Variants in AFF3 observed in about 807,000 individuals in gnomAD.
AFF3 encodes the protein ALF transcription elongation factor 3.
Under a neutral mutation model 129.7 loss-of-function variants are expected in AFF3, and 32 were observed. The observed-to-expected ratio is 0.25, with a 90% CI of 0.19 to 0.33. The LOEUF (loss-of-function observed/expected upper bound fraction) is 0.33, where lower values mean the gene tolerates loss of function less well. Ranked by LOEUF, AFF3 falls within the 10% of genes least tolerant of loss-of-function variation. AFF3 has a pLI of 1.00. For missense variants in AFF3, 1,373 were observed against 1,592.0 expected (o/e 0.86, Z 2.34); for synonymous variants, 644 against 635.4 (o/e 1.01, Z -0.20).
intron 14 of AFF3, among the ~76,000 whole-genome samples, chr2:99,596,187 C>A (rs573899187): frequency 2.6e-5 from 4 of 152,296 alleles, no homozygotes; most frequent in African/African-American, 7.2e-5. Flanking sequence ...GGTTTTTGTA[C>A]CTCTGAGTTC....
intron 7 of AFF3, among the ~76,000 whole-genome samples, chr2:99,962,976 C>T (rs1437961131): frequency 6.6e-6 from 1 of 151,198 alleles, no homozygotes; most frequent in Non-Finnish European, 1.5e-5. Context: ...CCAAGCAAAT[C>T]CACAACAACA....
At chr2:99,697,811 C>T (rs1429318096) in intron 11 of AFF3, among the ~76,000 whole-genome samples, 2 of 152,196 alleles carry the variant, frequency 1.3e-5, no homozygotes, top group Admixed American at 1.3e-4. Context: ...GTCTTCTTCA[C>T]AGGCTATTGC....
intron 24 of AFF3, 59 bp downstream of exon 24, chr2:99,554,252 A>G (rs975957096): frequency 6.3e-7 from 1 of 1,578,398 alleles, no homozygotes; most frequent in Non-Finnish European, 8.7e-7. Flanking sequence ...GCCGAGGCAG[A>G]AGAATCGCTT....
chr2:100,120,393 A>G (rs148175503), intron 2 of AFF3, among the ~76,000 whole-genome samples: 45 of 152,204 alleles, frequency 3.0e-4, no homozygotes, highest in African/African-American at 1.1e-3. Flanking sequence ...AAAAATTGGT[A>G]AGTTACTTAG....
At chr2:99,930,321 G>T (rs954379775) in intron 7 of AFF3, among the ~76,000 whole-genome samples, 6 of 152,142 alleles carry the variant, frequency 3.9e-5, no homozygotes, top group African/African-American at 1.4e-4. Context: ...TGAAATGCCT[G>T]CCTCATGGGA....
intron 21 of AFF3, among the ~76,000 whole-genome samples, chr2:99,560,156 G>A (rs1675336825): frequency 6.6e-6 from 1 of 152,226 alleles, no homozygotes; most frequent in Non-Finnish European, 1.5e-5. Context: ...CAGCACTTTG[G>A]TAGGCCTGTC....
In AFF3 at chr2:99,558,948, A is replaced by C; in HGVS notation, c.3212T>G (p.Leu1071Arg). The change falls in exon 22 of 25, where the codon CTG (leucine) becomes CGG (arginine). Residue 1071 changes from leucine to arginine, a missense_variant. Transcript: ENST00000672756. ...TTTGAGTCGAAACATCCGCCAGTAC[A>C]GGAGGGCCAGGCATCGGTAACTGCA... ...AALCYRCLAL[L>R]YWRMFRLKRD... 6.2e-7 allele frequency: 1 copy of C among 1,614,192 alleles called. No homozygotes were observed. Among genetic ancestry groups the C allele is most frequent in the Non-Finnish European group, 8.5e-7 (1 of 1,180,020 alleles).
Position 99,912,303 on chromosome 2 carries a change from GT to G in AFF3, c.874-74780del, listed in dbSNP as rs1162879745. 3.0e-4 allele frequency among the ~76,000 whole-genome samples: 45 copies of G among 152,284 alleles called. 1 individual carries two copies. The highest frequency in any genetic ancestry group is 9.6e-4 in the African/African-American group (40 of 41,568). ...ATCAATTGTTTTACATTTAGCTAAAGTTTTATGCTTGATGACAAACATAGTC... is the reference window on the plus strand; with the variant it reads ...ATCAATTGTTTTACATTTAGCTAAAGTTTATGCTTGATGACAAACATAGTC... On this transcript the variant is annotated intron_variant, in intron 7 of 24. Transcript: ENST00000672756.
intron 8 of AFF3, among the ~76,000 whole-genome samples, chr2:99,802,211 C>A (rs1375652954): frequency 6.6e-6 from 1 of 152,114 alleles, no homozygotes. Flanking sequence ...TTTCACATGA[C>A]ATGTTGAATA....
In AFF3 at chr2:99,948,591, A is replaced by G. The variant is rs984925909; in HGVS notation, c.873+58041T>C. Among the ~76,000 whole-genome samples, 8 of 152,252 alleles carry G rather than the reference A, an allele frequency of 5.3e-5. No individual in the cohort carries two copies. The East Asian group carries it at 9.7e-4, about 18-fold the overall frequency. ...CCTCCATGTAAGGTGCTCTAACTTAAATCAGCTTTTTGCAGATTCTCTGCT... is the reference window on the plus strand; with the variant it reads ...CCTCCATGTAAGGTGCTCTAACTTAGATCAGCTTTTTGCAGATTCTCTGCT... On this transcript the variant is annotated intron_variant, in intron 7 of 24. Transcript: ENST00000672756.
At chr2:99,845,198 T>C (rs1689635392) in intron 7 of AFF3, among the ~76,000 whole-genome samples, 1 of 152,206 alleles carries the variant, frequency 6.6e-6, no homozygotes, top group African/African-American at 2.4e-5. Context: ...CCCACATTGG[T>C]ACCTGTAAAT....
intron 11 of AFF3, among the ~76,000 whole-genome samples, chr2:99,704,458 C>G (rs1558767184): frequency 6.6e-6 from 1 of 152,136 alleles, no homozygotes; most frequent in Non-Finnish European, 1.5e-5. Context: ...CTCCTGGCAC[C>G]CTGATAATGG....
chr2:99,585,712 A>G (rs1429705164), intron 16 of AFF3, among the ~76,000 whole-genome samples: 2 of 152,146 alleles, frequency 1.3e-5, no homozygotes, highest in South Asian at 2.1e-4. Flanking sequence ...GGTATAAATC[A>G]CAGCTATTTT....
intron 11 of AFF3, among the ~76,000 whole-genome samples, chr2:99,719,047 G>A (rs1678644460): frequency 7.6e-6 from 1 of 132,016 alleles, no homozygotes; most frequent in Non-Finnish European, 1.6e-5. Context: ...CAACGCGCCC[G>A]GCCTTTTTTT....
intron 10 of AFF3, among the ~76,000 whole-genome samples, chr2:99,730,772 C>G (rs1217584760): frequency 6.6e-6 from 1 of 151,990 alleles, no homozygotes; most frequent in South Asian, 2.1e-4. Flanking sequence ...CTTAGCCTCC[C>G]AAAGTGCTGA....
intron 17 of AFF3, 124 bp downstream of exon 17, chr2:99,582,674 G>A: frequency 1.0e-6 from 1 of 1,004,426 alleles, no homozygotes; most frequent in Non-Finnish European, 1.5e-6. Flanking sequence ...CTAGAAGCGG[G>A]AGGCATTCAG....
intron 17 of AFF3, among the ~76,000 whole-genome samples, chr2:99,580,600 C>A (rs1559500463): frequency 6.6e-6 from 1 of 152,142 alleles, no homozygotes; most frequent in Non-Finnish European, 1.5e-5. Context: ...AATGTGAAAA[C>A]CTGCTTCGCA....
intron 8 of AFF3, among the ~76,000 whole-genome samples, chr2:99,814,072 T>TTGAAG (rs1458171763): frequency 6.6e-6 from 1 of 152,004 alleles, no homozygotes; most frequent in African/African-American, 2.4e-5. Context: ...CACCTGAGGG[T>TTGAAG]CTACAAGGGT....
At chr2:99,847,214 T>C (rs1689793913) in intron 7 of AFF3, among the ~76,000 whole-genome samples, 1 of 152,066 alleles carries the variant, frequency 6.6e-6, no homozygotes, top group African/African-American at 2.4e-5. Context: ...TTTCGCTCGT[T>C]GGCCAGGCTG....
Sources: allele counts gnomAD v4.1 joint callset (sites outside exome capture counted in the v4.1 genomes callset), GRCh38; gene constraint gnomAD v4.1.1; transcripts MANE v1.5; gene names NCBI Gene and HGNC (gene_info 2026-07-23, HGNC 2026-07-21).